The following ZBTB16 variants were observed in gnomAD, a reference collection of about 807,000 sequenced individuals.
The protein encoded by ZBTB16 is zinc finger and BTB domain-containing protein 16.
In ZBTB16, 8 loss-of-function variants were observed where a neutral mutation model predicts 56.8. The observed-to-expected ratio is 0.14, with a 90% CI of 0.08 to 0.25. The LOEUF (loss-of-function observed/expected upper bound fraction) is 0.25. Among genes scored for constraint, ZBTB16 ranks in the 10% least tolerant of loss-of-function variants. ZBTB16 has a pLI of 1.00. For synonymous variants in ZBTB16, 363 were observed against 368.5 expected, an observed-to-expected ratio of 0.98 and a Z score of 0.17; for missense variants, 625 against 903.0, an observed-to-expected ratio of 0.69 and a Z score of 3.95.
At chr11:114,187,279 C>T in intron 4 of ZBTB16, 1 of 607,738 alleles carries the variant, frequency 1.6e-6, no homozygotes, top group South Asian at 1.8e-5. Flanking sequence ...AGGCCAAGAT[C>T]TGTCTCTAAC....
At chr11:114,237,201 T>G (rs1944610307) in intron 4 of ZBTB16, 1 of 152,270 alleles carries the variant, frequency 6.6e-6, no homozygotes, top group South Asian at 2.1e-4. Flanking sequence ...GATGAAGGTG[T>G]TGTTTGGCCA....
chr11:114,213,620 A>T (rs1944038768), intron 4 of ZBTB16, among the ~76,000 whole-genome samples: 1 of 152,222 alleles, frequency 6.6e-6, no homozygotes, highest in African/African-American at 2.4e-5. Flanking sequence ...TTTGGTCCTC[A>T]TATTAACTTT....
intron 3 of ZBTB16, among the ~76,000 whole-genome samples, chr11:114,179,471 G>A (rs1943195304): frequency 6.6e-6 from 1 of 152,174 alleles, no homozygotes; most frequent in Non-Finnish European, 1.5e-5. Context: ...TCATTGTTCT[G>A]ACAGCTTATG....
chr11:114,255,738 A>T lies in ZBTB16; in HGVS notation c.*5183A>T, dbSNP rs929564676. ...AGATTTAAAAAAAAAAAAAAAGGAA[A>T]AAAAAAGAAAAAATGAATTTACTGC... On this transcript the variant is annotated 3_prime_UTR_variant, in exon 7 of 7. Coordinates refer to ENST00000335953, the MANE Select transcript of ZBTB16 (RefSeq NM_006006.6). Among the ~76,000 whole-genome samples, 6 of 151,856 alleles carry T rather than the reference A, an allele frequency of 4.0e-5. No individual in the cohort carries two copies. Among genetic ancestry groups the T allele is most frequent in the African/African-American group, 9.7e-5 (4 of 41,398 alleles).
At chr11:114,151,386 A>T (rs1198961744) in intron 2 of ZBTB16, among the ~76,000 whole-genome samples, 2 of 152,200 alleles carry the variant, frequency 1.3e-5, no homozygotes, top group African/African-American at 4.8e-5. Context: ...ACATCGTCTT[A>T]TAAATGCCCT....
chr11:114,114,579 G>T (rs1204729969), intron 2 of ZBTB16, among the ~76,000 whole-genome samples: 1 of 152,064 alleles, frequency 6.6e-6, no homozygotes, highest in Non-Finnish European at 1.5e-5. Context: ...TTCATTATAT[G>T]GGATGGAAAT....
At chr11:114,129,334 C>T (rs544992126) in intron 2 of ZBTB16, among the ~76,000 whole-genome samples, 3 of 152,316 alleles carry the variant, frequency 2.0e-5, no homozygotes, top group Non-Finnish European at 2.9e-5. Context: ...GCGCAGCCAC[C>T]GGAGCCGGCA....
At chr11:114,088,925 A>C (rs77536692) in intron 2 of ZBTB16, among the ~76,000 whole-genome samples, 6,769 of 152,174 alleles carry the variant, frequency 0.044, 574 homozygotes, top group East Asian at 0.39. Flanking sequence ...GGGCCCCCCC[A>C]CACAATGCCT....
intron 4 of ZBTB16, among the ~76,000 whole-genome samples, chr11:114,234,447 C>A (rs1202880352): frequency 6.6e-6 from 1 of 152,222 alleles, no homozygotes; most frequent in African/African-American, 2.4e-5. Context: ...CTCCCACTCA[C>A]CAGCAGCTGA....
Position 114,256,733 on chromosome 11 carries a change from T to A in ZBTB16, c.*6178T>A, listed in dbSNP as rs1945023266. On this transcript the variant is annotated 3_prime_UTR_variant, in exon 7 of 7. Transcript: ENST00000335953. ...GGGAGGTGGCCGTGCAAGCTCTGCA[T>A]TGTCATGGACGGAATAAAGGATTTC... Among the ~76,000 whole-genome samples, 1 of 152,158 alleles carries A rather than the reference T, an allele frequency of 6.6e-6. No homozygotes were observed. Among genetic ancestry groups the A allele is most frequent in the South Asian group, 2.1e-4 (1 of 4,826 alleles).
chr11:114,061,381 C>A, intron 1 of ZBTB16: 1 of 152,234 alleles, frequency 6.6e-6, no homozygotes, highest in East Asian at 1.9e-4. Context: ...TTCTCAGAAA[C>A]CCCGATGTCT....
intron 2 of ZBTB16, among the ~76,000 whole-genome samples, chr11:114,144,177 G>GACACACAAAC (rs762155257): frequency 6.9e-6 from 1 of 144,968 alleles, no homozygotes; most frequent in Non-Finnish European, 1.5e-5. Flanking sequence ...GTGTTTGCCA[G>GACACACAAAC]ACACACACAC....
chr11:114,083,167 C>A (rs779702625), intron 2 of ZBTB16, among the ~76,000 whole-genome samples: 3 of 152,190 alleles, frequency 2.0e-5, no homozygotes, highest in Non-Finnish European at 4.4e-5. Context: ...CCGCCCACAG[C>A]GCAGCATGGC....
rs959096714 is a variant in ZBTB16 at position 114,254,350 on chromosome 11, G to A, written c.*3795G>A. Among the ~76,000 whole-genome samples the A allele has an allele frequency of 3.9e-5, 6 of 152,044 alleles. No homozygotes were observed. The highest frequency in any genetic ancestry group is 7.4e-5 in the Non-Finnish European group (5 of 68,024). ...TTCAGTACAATCCAAGGGATGCAAC[G>A]CGGGCTTGTTTAATCTTTGTGCCTG... On this transcript the variant is annotated 3_prime_UTR_variant, in exon 7 of 7. Transcript: ENST00000335953.
intron 4 of ZBTB16, among the ~76,000 whole-genome samples, chr11:114,207,650 G>T (rs1401980852): frequency 3.3e-5 from 5 of 151,154 alleles, no homozygotes; most frequent in African/African-American, 1.2e-4. Context: ...GTTTCACTTT[G>T]TCACCCAGGC....
intron 5 of ZBTB16, among the ~76,000 whole-genome samples, chr11:114,244,639 TTTG>T (rs1944779399): frequency 6.6e-6 from 1 of 152,112 alleles, no homozygotes; most frequent in South Asian, 2.1e-4. Context: ...TTCTTTTTTT[TTTG>T]TTGTTGTTTG....
intron 2 of ZBTB16, among the ~76,000 whole-genome samples, chr11:114,087,873 A>G (rs144394313): frequency 2.6e-5 from 4 of 152,250 alleles, no homozygotes; most frequent in African/African-American, 4.8e-5. Flanking sequence ...TCTTTTTCAC[A>G]TCTGTGTTAC....
At chr11:114,235,884 G>T (rs371525384) in intron 4 of ZBTB16, among the ~76,000 whole-genome samples, 64 of 150,548 alleles carry the variant, frequency 4.3e-4, no homozygotes, top group African/African-American at 1.3e-3. Flanking sequence ...TGTTGCCACT[G>T]GGGGGTCTGG....
At chr11:114,091,571 CT>C (rs1357347220) in intron 2 of ZBTB16, among the ~76,000 whole-genome samples, 1 of 151,924 alleles carries the variant, frequency 6.6e-6, no homozygotes, top group Non-Finnish European at 1.5e-5. Flanking sequence ...TTTGTGCTTT[CT>C]TTTTCTTTCC....
Sources: allele counts gnomAD v4.1 joint callset (sites outside exome capture counted in the v4.1 genomes callset), GRCh38; gene constraint gnomAD v4.1.1; transcripts MANE v1.5; gene names NCBI Gene and HGNC (gene_info 2026-07-23, HGNC 2026-07-21).